USP32: variants seen among roughly 807,000 people sequenced by gnomAD.
USP32 encodes the protein ubiquitin carboxyl-terminal hydrolase 32.
Under a neutral mutation model 204.8 loss-of-function variants are expected in USP32, and 59 were observed. The ratio of observed to expected loss-of-function variants is 0.29; its 90% CI spans 0.23 to 0.36. The LOEUF is 0.36. Ranked by LOEUF, USP32 falls within the 10% of genes least tolerant of loss-of-function variation. The pLI, the probability that USP32 is intolerant of heterozygous loss-of-function variation, is 1.00. For synonymous variants in USP32, 517 were observed against 678.4 expected (o/e 0.76, Z 3.70); for missense variants, 1,160 against 1,946.4 (o/e 0.60, Z 7.60).
At chr17:60,405,314 T>C (rs980233683) in intron 1 of USP32, among the ~76,000 whole-genome samples, 5 of 152,100 alleles carry the variant, frequency 3.3e-5, no homozygotes, top group Non-Finnish European at 7.4e-5. Flanking sequence ...GCAACTCTCC[T>C]GTCTCAGCCT....
At chr17:60,419,237 A>G (rs763337866) in intron 1 of USP32, among the ~76,000 whole-genome samples, 3 of 152,228 alleles carry the variant, frequency 2.0e-5, no homozygotes, top group Non-Finnish European at 2.9e-5. Context: ...GCTGAAGGCC[A>G]TTATCCTTAG....
intron 2 of USP32, among the ~76,000 whole-genome samples, chr17:60,334,179 T>G (rs2088458131): frequency 6.6e-6 from 1 of 152,200 alleles, no homozygotes; most frequent in Non-Finnish European, 1.5e-5. Flanking sequence ...TACTATAGTA[T>G]TATAATATAT....
At chr17:60,318,782 A>G (rs942158739) in intron 2 of USP32, among the ~76,000 whole-genome samples, 1 of 152,252 alleles carries the variant, frequency 6.6e-6, no homozygotes, top group African/African-American at 2.4e-5. Flanking sequence ...ACATCAATTT[A>G]TAACATCCAA....
At chr17:60,259,452 G>A (rs1019061954) in intron 9 of USP32, among the ~76,000 whole-genome samples, 7 of 151,812 alleles carry the variant, frequency 4.6e-5, no homozygotes, top group East Asian at 1.9e-4. Context: ...ACGTGTGAGC[G>A]CGCCCTTCAG....
upstream of USP32, among the ~76,000 whole-genome samples, chr17:60,393,092 G>A (rs1342587326): frequency 6.6e-6 from 1 of 152,144 alleles, no homozygotes; most frequent in Non-Finnish European, 1.5e-5. Context: ...TTGCAAAAGG[G>A]AAACTCTGTG....
intron 1 of USP32, among the ~76,000 whole-genome samples, chr17:60,366,054 C>T (rs930840318): frequency 8.6e-5 from 13 of 150,604 alleles, no homozygotes; most frequent in Non-Finnish European, 1.5e-4. Context: ...CTCGGCTCAC[C>T]GCAACCTCTG....
At chr17:60,250,334 A>G (rs1400483142) in intron 11 of USP32, among the ~76,000 whole-genome samples, 1 of 152,172 alleles carries the variant, frequency 6.6e-6, no homozygotes, top group Non-Finnish European at 1.5e-5. Flanking sequence ...ATTTTTTGAA[A>G]TAGGGATGCT....
chr17:60,222,631 C>G (rs1369120889), intron 14 of USP32, 82 bp from the exon 15 acceptor site: 1 of 1,087,724 alleles, frequency 9.2e-7, no homozygotes, highest in African/African-American at 1.6e-5. Context: ...AACAGGAAAA[C>G]AAACTCATAT....
At chr17:60,401,975 C>T (rs2089939020) in intron 1 of USP32, among the ~76,000 whole-genome samples, 1 of 152,196 alleles carries the variant, frequency 6.6e-6, no homozygotes, top group African/African-American at 2.4e-5. Context: ...GTAGCTCACA[C>T]TGTGTGCTAG....
chr17:60,195,993 C>G (rs765363260), intron 27 of USP32, among the ~76,000 whole-genome samples: 1 of 152,160 alleles, frequency 6.6e-6, no homozygotes, highest in Admixed American at 6.5e-5. Flanking sequence ...CGGCCTGGGC[C>G]GGGTGCAGCA....
At chr17:60,379,460 T>A (rs1472774270) in intron 1 of USP32, among the ~76,000 whole-genome samples, 1 of 152,076 alleles carries the variant, frequency 6.6e-6, no homozygotes, top group Non-Finnish European at 1.5e-5. Context: ...CTTTCAAAAG[T>A]TTAGCTTATC....
chr17:60,210,962 T>C (rs1269642115), intron 21 of USP32, 51 bp downstream of exon 21: 2 of 1,536,756 alleles, frequency 1.3e-6, no homozygotes, highest in African/African-American at 1.4e-5. Flanking sequence ...AGAAAAATGA[T>C]TAAACAACTA....
At chr17:60,419,666 G>A (rs1182648592) in intron 1 of USP32, among the ~76,000 whole-genome samples, 1 of 150,276 alleles carries the variant, frequency 6.7e-6, no homozygotes, top group Admixed American at 6.6e-5. Context: ...CCGGGAGGCG[G>A]AGCTTGCAGT....
At chr17:60,344,809 A>G (rs534282091) in intron 2 of USP32, among the ~76,000 whole-genome samples, 1 of 152,232 alleles carries the variant, frequency 6.6e-6, no homozygotes, top group Non-Finnish European at 1.5e-5. Context: ...ATCTGTGTAC[A>G]TAACTACAAA....
rs1023710951 is a variant in USP32, at chr17:60,301,628, G to T, written c.263C>A (p.Thr88Lys). The change falls in exon 3 of 34, where the codon ACA becomes AAA. Residue 88 changes from threonine to lysine, a missense_variant. Around this residue, in one of 8 missense-constraint regions of USP32, gnomAD observed 536 missense variants for 680.9 expected, o/e 0.79. Coordinates refer to ENST00000300896, the MANE Select transcript of USP32 (RefSeq NM_032582.4). ...TGCTTTCTCTTCATCTTTGCCTCTT[G>T]TAAGGAGGACAAGTCCAACTATTAA... Reference protein sequence around the residue: ...NNLIVGLVLLTRGKDEEKAKY... With the variant: ...NNLIVGLVLLKRGKDEEKAKY... 4.4e-6 allele frequency: 7 copies of T among 1,593,756 alleles called. No individual in the cohort carries two copies. Among genetic ancestry groups the T allele is most frequent in the Non-Finnish European group, 4.3e-6 (5 of 1,174,904 alleles).
At chr17:60,277,993 AC>A (rs550067328) in intron 5 of USP32, among the ~76,000 whole-genome samples, 106 of 150,400 alleles carry the variant, frequency 7.0e-4, no homozygotes, top group African/African-American at 2.5e-3. Flanking sequence ...TGTGGCCTCA[AC>A]CTCCTGGGCT....
At position 60,205,665 on chromosome 17, in the gene USP32, A is replaced by G; in HGVS notation, c.3038-7T>C. 6.2e-7 allele frequency: 1 copy of G among 1,613,946 alleles called. No homozygotes were observed. The highest frequency in any genetic ancestry group is 8.5e-7 in the Non-Finnish European group (1 of 1,179,820). ...GATGGCGAAGAGGAGAAATCTACAA[A>G]TTCAAAGATAAGTACAGTATCATAA... On this transcript the variant is annotated splice_region_variant and splice_polypyrimidine_tract_variant and intron_variant, in intron 25 of 33. Coordinates refer to ENST00000300896, the MANE Select transcript of USP32 (RefSeq NM_032582.4).
At chr17:60,333,265 A>C (rs1326822246) in intron 2 of USP32, among the ~76,000 whole-genome samples, 1 of 152,222 alleles carries the variant, frequency 6.6e-6, no homozygotes, top group Non-Finnish European at 1.5e-5. Context: ...TCCACAGTGT[A>C]TTCTTACAAT....
At chr17:60,417,453 ATTT>A (rs746989259) in intron 1 of USP32, among the ~76,000 whole-genome samples, 2 of 137,966 alleles carry the variant, frequency 1.4e-5, no homozygotes, top group Non-Finnish European at 1.6e-5. Flanking sequence ...CTGATTTTTA[ATTT>A]TTTTTTTTTT....
Sources: allele counts gnomAD v4.1 joint callset (sites outside exome capture counted in the v4.1 genomes callset), GRCh38; gene constraint gnomAD v4.1.1; regional missense constraint gnomAD v4.1.1; transcripts MANE v1.5; gene names NCBI Gene and HGNC (gene_info 2026-07-23, HGNC 2026-07-21).